CADM2: variants seen among roughly 807,000 people sequenced by gnomAD.
CADM2 encodes the protein cell adhesion molecule 2.
A neutral mutation model predicts 49.8 loss-of-function variants in CADM2; 12 were observed. The ratio of observed to expected loss-of-function variants is 0.24; its 90% CI spans 0.15 to 0.39. The LOEUF (loss-of-function observed/expected upper bound fraction) is 0.39. Among genes scored for constraint, CADM2 ranks in the 10% least tolerant of loss-of-function variants. The pLI is 1.00. For missense variants in CADM2, 378 were observed against 492.3 expected, an observed-to-expected ratio of 0.77 and a Z score of 2.20; for synonymous variants, 214 against 175.4, an observed-to-expected ratio of 1.22 and a Z score of -1.74.
chr3:85,604,385 T>A (rs909172432), intron 1 of CADM2, among the ~76,000 whole-genome samples: 6 of 151,934 alleles, frequency 3.9e-5, no homozygotes, highest in African/African-American at 1.4e-4. Context: ...CTTTGATTCT[T>A]TCACTTATGG....
At chr3:85,031,496 A>G (rs552549426) in intron 1 of CADM2, among the ~76,000 whole-genome samples, 13 of 151,918 alleles carry the variant, frequency 8.6e-5, no homozygotes, top group Middle Eastern at 3.4e-3. Flanking sequence ...ATCTTCAGAT[A>G]TTTCTTTATT....
Position 86,012,720 on chromosome 3 carries a change from T to G in CADM2, c.970+51073T>G. ...AAAACACCTGATCGGCTGGGCGCGT[T>G]GACTCACGCCTGTAATCCCAGCACT... On this transcript the variant is annotated intron_variant, in intron 8 of 9. Transcript: ENST00000383699. The G allele has an allele frequency of 3.2e-6, 3 of 940,098 alleles. No individual in the cohort carries two copies. The Admixed American group carries it at 5.4e-5, about 17-fold the overall frequency. The allele number at this position is 940,098 out of a possible 1,614,324, so 58.2% of individuals were successfully genotyped here.
chr3:85,992,470 C>T (rs974724698), intron 8 of CADM2: 1 of 151,792 alleles, frequency 6.6e-6, no homozygotes, highest in Non-Finnish European at 1.5e-5. Flanking sequence ...TATAGTGAAA[C>T]ATTTGAATAC....
chr3:85,172,693 G>A lies in CADM2; in HGVS notation c.61+213025G>A, dbSNP rs889832287. Among the ~76,000 whole-genome samples the A allele has an allele frequency of 3.3e-5, 5 of 151,768 alleles. No homozygotes were observed. In the East Asian group the frequency reaches 7.8e-4, roughly 24 times the overall value. Reference sequence around the variant, plus strand: ...TCTAAGCAATGGGTAGACATTGAAGGTTTTAATAGGGAGATTTAAGTGATG... The same window carrying A: ...TCTAAGCAATGGGTAGACATTGAAGATTTTAATAGGGAGATTTAAGTGATG... On this transcript the variant is annotated intron_variant, in intron 1 of 9. Transcript: ENST00000383699.
intron 1 of CADM2, among the ~76,000 whole-genome samples, chr3:85,413,235 C>T (rs2035759104): frequency 7.0e-6 from 1 of 143,652 alleles, no homozygotes; most frequent in Non-Finnish European, 1.5e-5. Context: ...AGTTTATTAA[C>T]AATAACAATT....
chr3:85,808,389 A>G (rs2072591017), intron 3 of CADM2, among the ~76,000 whole-genome samples: 1 of 152,120 alleles, frequency 6.6e-6, no homozygotes, highest in African/African-American at 2.4e-5. Context: ...AGACAGAGCA[A>G]GTGGGGAGTA....
chr3:85,764,190 A>G (rs2069539893), intron 2 of CADM2, among the ~76,000 whole-genome samples: 1 of 152,130 alleles, frequency 6.6e-6, no homozygotes, highest in Non-Finnish European at 1.5e-5. Flanking sequence ...TAAGGATTTT[A>G]TAAATATAAA....
At chr3:85,324,097 A>G (rs1430245778) in intron 1 of CADM2, among the ~76,000 whole-genome samples, 2 of 152,200 alleles carry the variant, frequency 1.3e-5, no homozygotes, top group Non-Finnish European at 2.9e-5. Context: ...AGTCCATTTT[A>G]TATGCTGCAT....
At chr3:85,715,754 C>G (rs906200693) in intron 1 of CADM2, among the ~76,000 whole-genome samples, 2 of 152,016 alleles carry the variant, frequency 1.3e-5, no homozygotes, top group Non-Finnish European at 2.9e-5. Context: ...GAACATGAGG[C>G]CTTTCGTTTT....
chr3:85,943,929 C>A (rs1722301783), intron 7 of CADM2, among the ~76,000 whole-genome samples: 1 of 151,918 alleles, frequency 6.6e-6, no homozygotes, highest in Non-Finnish European at 1.5e-5. Context: ...ACAATATTAA[C>A]CTTAAATGCA....
chr3:85,457,205 G>A (rs2038031534), intron 1 of CADM2, among the ~76,000 whole-genome samples: 2 of 152,078 alleles, frequency 1.3e-5, no homozygotes, highest in Admixed American at 1.3e-4. Flanking sequence ...TTGACTCCAG[G>A]AGGTTGGTAC....
intron 2 of CADM2, among the ~76,000 whole-genome samples, chr3:85,751,382 T>A (rs554764062): frequency 1.3e-5 from 2 of 152,320 alleles, no homozygotes; most frequent in Non-Finnish European, 2.9e-5. Context: ...TATTATTAGA[T>A]GTCATCTTAC....
chr3:85,452,673 A>G (rs1213868953), intron 1 of CADM2, among the ~76,000 whole-genome samples: 1 of 152,150 alleles, frequency 6.6e-6, no homozygotes, highest in Non-Finnish European at 1.5e-5. Flanking sequence ...CATAGAAATT[A>G]TCTCCTAGCT....
At chr3:86,006,654 A>G (rs1730827867) in intron 8 of CADM2, among the ~76,000 whole-genome samples, 1 of 152,052 alleles carries the variant, frequency 6.6e-6, no homozygotes, top group Non-Finnish European at 1.5e-5. Context: ...AACTACTTTG[A>G]CCTCCTTAGA....
At chr3:85,954,197 A>G (rs1723774426) in intron 7 of CADM2, among the ~76,000 whole-genome samples, 3 of 151,046 alleles carry the variant, frequency 2.0e-5, no homozygotes. Context: ...CTGAGGAGAA[A>G]ACACGGGTTG....
chr3:85,544,328 C>A lies in CADM2; in HGVS notation c.62-182194C>A, dbSNP rs112260759. Among the ~76,000 whole-genome samples the A allele has an allele frequency of 9.0e-3, 1,363 of 152,262 alleles. 22 individuals are homozygous for A. The highest frequency in any genetic ancestry group is 0.031 in the African/African-American group (1,271 of 41,572). ...GCGCGGTTGCTCACGCCTGTAATCC[C>A]AGCACTTTGGGAGGCCGAGGCGGGC... On this transcript the variant is annotated intron_variant, in intron 1 of 9. Transcript: ENST00000383699.
At chr3:85,409,855 T>C (rs906049640) in intron 1 of CADM2, among the ~76,000 whole-genome samples, 1 of 152,152 alleles carries the variant, frequency 6.6e-6, no homozygotes, top group Non-Finnish European at 1.5e-5. Context: ...GAAACAACTA[T>C]ATTTCAGGAA....
At chr3:85,163,377 T>C (rs1237389564) in intron 1 of CADM2, among the ~76,000 whole-genome samples, 5 of 152,026 alleles carry the variant, frequency 3.3e-5, no homozygotes, top group African/African-American at 9.7e-5. Flanking sequence ...TTCTTGGGCA[T>C]CAGAAACATC....
intron 7 of CADM2, among the ~76,000 whole-genome samples, chr3:85,949,338 A>AT (rs1577747500): frequency 6.6e-6 from 1 of 151,506 alleles, no homozygotes; most frequent in South Asian, 2.1e-4. Context: ...TGTCAAATAT[A>AT]TTTTTTATTG....
Sources: allele counts gnomAD v4.1 joint callset (sites outside exome capture counted in the v4.1 genomes callset), GRCh38; gene constraint gnomAD v4.1.1; transcripts MANE v1.5; gene names NCBI Gene and HGNC (gene_info 2026-07-23, HGNC 2026-07-21).